Variants in POLR3A observed in about 807,000 individuals in gnomAD.
The protein encoded by POLR3A is RNA polymerase III subunit A.
A neutral mutation model predicts 152.8 loss-of-function variants in POLR3A; 112 were observed. That is an observed-to-expected ratio of 0.73 (90% CI 0.63 to 0.86). The LOEUF is 0.86. Among genes scored for constraint, POLR3A ranks in the 40% least tolerant of loss-of-function variants. The probability of loss-of-function intolerance (pLI) is 0.00; values close to 1 mark genes in which losing one functional copy is unlikely to be tolerated. For missense variants in POLR3A, 1,385 were observed against 1,743.1 expected (o/e 0.79, Z 3.66); for synonymous variants, 615 against 652.1 (o/e 0.94, Z 0.87).
intron 9 of POLR3A, among the ~76,000 whole-genome samples, chr10:78,018,789 T>C (rs952139683): frequency 6.6e-6 from 1 of 152,260 alleles, no homozygotes; most frequent in African/African-American, 2.4e-5. Flanking sequence ...CTTTGCCATA[T>C]TGGCCAGGCT....
At chr10:78,019,349 T>A in intron 8 of POLR3A, 84 bp from the exon 9 acceptor site, 3 of 978,100 alleles carry the variant, frequency 3.1e-6, no homozygotes, top group Non-Finnish European at 4.9e-6. Flanking sequence ...TAATCTTTAC[T>A]TTCCTTGTTC....
intron 21 of POLR3A, among the ~76,000 whole-genome samples, chr10:77,989,557 C>T (rs1369090246): frequency 6.6e-6 from 1 of 152,148 alleles, no homozygotes; most frequent in African/African-American, 2.4e-5. Flanking sequence ...TAAACAAATG[C>T]TGCCGGGTAG....
intron 30 of POLR3A, among the ~76,000 whole-genome samples, chr10:77,979,916 C>T (rs1241168805): frequency 2.0e-5 from 3 of 152,176 alleles, no homozygotes; most frequent in Non-Finnish European, 2.9e-5. Flanking sequence ...ACCATCTGTG[C>T]TGACAGAGGG....
chr10:78,018,918 G>T (rs1016164731), intron 9 of POLR3A, among the ~76,000 whole-genome samples: 3 of 152,206 alleles, frequency 2.0e-5, no homozygotes, highest in East Asian at 1.9e-4. Context: ...AGTATCCATG[G>T]TATTTTGTCC....
At chr10:77,997,505 T>C (rs906848602) in intron 19 of POLR3A, among the ~76,000 whole-genome samples, 1 of 152,134 alleles carries the variant, frequency 6.6e-6, no homozygotes, top group East Asian at 1.9e-4. Context: ...AGCATTCTTA[T>C]ACACCAATAA....
rs781594375 is a variant in POLR3A, at chr10:78,022,344, C to T, written c.686G>A (p.Arg229Gln). The stretch of plus-strand genomic sequence containing the variant: ...TAGAGGAACATCTTCAGCTGGGATT[C>T]GTTTAAATAAATTCAGAACTACTAA... ...NPLVVLNLFK[R>Q]IPAEDVPLLL... The change falls in exon 6 of 31, where the codon CGA becomes CAA. Residue 229 changes from arginine (R) to glutamine (Q), a missense_variant. Transcript: ENST00000372371. The T allele has an allele frequency of 9.9e-6, 16 of 1,613,836 alleles. No homozygotes were observed. Among genetic ancestry groups the T allele is most frequent in the South Asian group, 3.3e-5 (3 of 91,072 alleles).
intron 8 of POLR3A, chr10:78,019,870 T>TAA (rs764453901): frequency 1.2e-4 from 17 of 137,798 alleles, no homozygotes; most frequent in Admixed American, 2.9e-4. Context: ...GACCTCAATT[T>TAA]AAAAAAAAAA....
At chr10:78,025,988 G>C in intron 2 of POLR3A, 106 bp downstream of exon 2, 2 of 1,390,686 alleles carry the variant, frequency 1.4e-6, no homozygotes, top group Non-Finnish European at 2.0e-6. Context: ...TGTGCAGGGG[G>C]GAATTGAGGA....
intron 21 of POLR3A, among the ~76,000 whole-genome samples, chr10:77,987,672 T>C (rs1017531702): frequency 1.3e-5 from 2 of 152,222 alleles, no homozygotes; most frequent in East Asian, 1.9e-4. Flanking sequence ...AGCCCCATTC[T>C]ATCCTAACCT....
chr10:77,981,399 G>T, intron 29 of POLR3A, 29 bp downstream of exon 29: 1 of 1,612,600 alleles, frequency 6.2e-7, no homozygotes, highest in Non-Finnish European at 8.5e-7. Context: ...GGGATGCCCA[G>T]GCAGCCCGGG....
chr10:78,016,135 C>A (rs1847521541), intron 10 of POLR3A, among the ~76,000 whole-genome samples: 2 of 152,058 alleles, frequency 1.3e-5, no homozygotes, highest in Admixed American at 1.3e-4. Flanking sequence ...CATTTTAAAT[C>A]TCCAGAAAAA....
intron 8 of POLR3A, 157 bp from the exon 9 acceptor site, chr10:78,019,422 GAAC>G (rs1847556481): frequency 3.1e-6 from 2 of 642,366 alleles, no homozygotes; most frequent in Non-Finnish European, 5.6e-6. Flanking sequence ...AGTATAATGT[GAAC>G]AACAGACTGG....
chr10:78,004,380 G>A (rs1847389934), intron 16 of POLR3A, among the ~76,000 whole-genome samples: 2 of 152,228 alleles, frequency 1.3e-5, no homozygotes, highest in African/African-American at 4.8e-5. Context: ...GAAGGGACCT[G>A]AGTGTGCCAC....
At chr10:78,009,318 C>T (rs1388710341) in intron 14 of POLR3A, among the ~76,000 whole-genome samples, 1 of 152,070 alleles carries the variant, frequency 6.6e-6, no homozygotes, top group African/African-American at 2.4e-5. Context: ...CTAACCACTG[C>T]GTCATGTGTC....
At chr10:77,985,453 G>A in intron 23 of POLR3A, 113 bp from the exon 24 acceptor site, 1 of 828,060 alleles carries the variant, frequency 1.2e-6, no homozygotes, top group South Asian at 1.4e-5. Flanking sequence ...GATGCTATTA[G>A]GGTCGGAAAG....
chr10:77,981,862 A>G (rs1192598056), intron 28 of POLR3A, among the ~76,000 whole-genome samples: 2 of 129,108 alleles, frequency 1.5e-5, no homozygotes, highest in East Asian at 6.4e-4. Context: ...ATTTCTACTA[A>G]AAATACAAAA....
intron 17 of POLR3A, among the ~76,000 whole-genome samples, chr10:78,001,475 T>G (rs1377183281): frequency 6.6e-6 from 1 of 151,960 alleles, no homozygotes; most frequent in African/African-American, 2.4e-5. Flanking sequence ...TGGAAAAGTG[T>G]GGGCTATGTC....
intron 19 of POLR3A, among the ~76,000 whole-genome samples, chr10:77,999,166 G>A (rs778663630): frequency 1.3e-4 from 20 of 152,170 alleles, no homozygotes; most frequent in Non-Finnish European, 1.8e-4. Context: ...TAGGGGGAGC[G>A]GGGAGGGATA....
At chr10:78,014,176 A>G (rs1847495066) in intron 10 of POLR3A, among the ~76,000 whole-genome samples, 1 of 152,042 alleles carries the variant, frequency 6.6e-6, no homozygotes, top group African/African-American at 2.4e-5. Context: ...AAAAAAAAAA[A>G]AGACTCATTC....
Sources: allele counts gnomAD v4.1 joint callset (sites outside exome capture counted in the v4.1 genomes callset), GRCh38; gene constraint gnomAD v4.1.1; transcripts MANE v1.5; gene names NCBI Gene and HGNC (gene_info 2026-07-23, HGNC 2026-07-21).